ATG7: variants seen among roughly 807,000 people sequenced by gnomAD.
ATG7 encodes autophagy related 7.
A neutral mutation model predicts 82.4 loss-of-function variants in ATG7; 70 were observed. The ratio of observed to expected loss-of-function variants is 0.85; its 90% CI spans 0.70 to 1.04. ATG7 has a LOEUF of 1.04. Among genes scored for constraint, ATG7 ranks in the 50% least tolerant of loss-of-function variants. The probability of loss-of-function intolerance (pLI) is 0.00; values close to 1 mark genes in which losing one functional copy is unlikely to be tolerated. For missense variants in ATG7, 792 were observed against 864.3 expected, an observed-to-expected ratio of 0.92 and a Z score of 1.05; for synonymous variants, 287 against 313.0, an observed-to-expected ratio of 0.92 and a Z score of 0.88.
chr3:11,570,736 T>C, the ATG7 span, among the ~76,000 whole-genome samples: 14 of 152,278 alleles, frequency 9.2e-5, no homozygotes, highest in Non-Finnish European at 1.6e-4. Flanking sequence ...GCATAAACAG[T>C]GGTGAGATGT....
At chr3:11,380,095 CG>C in intron 19 of ATG7, 43 bp downstream of exon 19, 1 of 1,583,820 alleles carries the variant, frequency 6.3e-7, no homozygotes, top group Non-Finnish European at 8.7e-7. Flanking sequence ...TAAAAGTGAG[CG>C]GGTCAGCATT....
intron 14 of ATG7, among the ~76,000 whole-genome samples, chr3:11,349,389 C>G (rs1481140584): frequency 6.6e-6 from 1 of 152,032 alleles, no homozygotes; most frequent in East Asian, 1.9e-4. Context: ...ATAAAATTAG[C>G]CAGGTGTGGT....
At position 11,553,266 on chromosome 3, in the gene ATG7, T is replaced by TTCACCTCACAGGTAGATGTGAGG. The variant is rs60878265; in HGVS notation, c.2080-1521_2080-1499dup. ...TTACCTCTCTGGGCTTGTTTCCATCTTCACCTCACAGGTAGATGTGAGGTC... is the reference window on the plus strand; with the variant it reads ...TTACCTCTCTGGGCTTGTTTCCATCTTCACCTCACAGGTAGATGTGAGGTCACCTCACAGGTAGATGTGAGGTC... On this transcript the variant is annotated intron_variant, in intron 20 of 20. Coordinates refer to ENST00000693202, the MANE Select transcript of ATG7 (RefSeq NM_001349232.2). 1.3e-4 allele frequency among the ~76,000 whole-genome samples: 19 copies of TTCACCTCACAGGTAGATGTGAGG among 151,202 alleles called. 1 individual carries two copies. Among genetic ancestry groups the TTCACCTCACAGGTAGATGTGAGG allele is most frequent in the Non-Finnish European group, 2.1e-4 (14 of 67,784 alleles).
At chr3:11,311,495 G>C (rs866007231) in intron 7 of ATG7, among the ~76,000 whole-genome samples, 1 of 151,830 alleles carries the variant, frequency 6.6e-6, no homozygotes, top group African/African-American at 2.4e-5. Flanking sequence ...CCAACTACTC[G>C]GGAGGCTGAG....
chr3:11,557,084 G>T lies in ATG7; in HGVS notation c.*2241G>T, dbSNP rs924827471. On this transcript the variant is annotated 3_prime_UTR_variant, in exon 21 of 21. Transcript: ENST00000693202. ...CCACGTCACCTGGTCAGGTGCCATCGTCGTGAGCCTCTGGTGGGCCAGGTG... is the reference window on the plus strand; with the variant it reads ...CCACGTCACCTGGTCAGGTGCCATCTTCGTGAGCCTCTGGTGGGCCAGGTG... 2.0e-5 allele frequency: 3 copies of T among 152,600 alleles called. No individual in the cohort carries two copies. The highest frequency in any genetic ancestry group is 1.3e-4 in the Admixed American group (2 of 15,298). The allele number at this position is 152,600 out of a possible 1,614,324, so 9.5% of individuals were successfully genotyped here. A position where few individuals can be genotyped will look rare whatever the true frequency, so the allele number is the denominator to read the frequency against.
chr3:11,399,522 A>T (rs2079614153), intron 19 of ATG7, among the ~76,000 whole-genome samples: 1 of 152,042 alleles, frequency 6.6e-6, no homozygotes, highest in African/African-American at 2.4e-5. Flanking sequence ...AAGGAGTTGT[A>T]ATGTAGAAGT....
At chr3:11,574,827 G>GTA in the ATG7 span, among the ~76,000 whole-genome samples, 2 of 141,036 alleles carry the variant, frequency 1.4e-5, no homozygotes, top group Non-Finnish European at 3.0e-5. Context: ...GTGTGTGTGT[G>GTA]TGTGTGTGTG....
At chr3:11,506,317 C>T (rs1299865120) in intron 20 of ATG7, among the ~76,000 whole-genome samples, 3 of 152,214 alleles carry the variant, frequency 2.0e-5, no homozygotes, top group Non-Finnish European at 2.9e-5. Context: ...AAATGTAATT[C>T]GAGCAAAATA....
the ATG7 span, chr3:11,568,558 C>T: frequency 6.4e-7 from 1 of 1,552,728 alleles, no homozygotes; most frequent in Non-Finnish European, 8.7e-7. The surrounding 1 kb of genome is among the most constrained non-coding windows in gnomAD (Gnocchi z 5.9). Context: ...CGAGAAAAGG[C>T]CTGGAGAACT....
At chr3:11,570,404 C>A in the ATG7 span, among the ~76,000 whole-genome samples, 1 of 152,230 alleles carries the variant, frequency 6.6e-6, no homozygotes, top group Admixed American at 6.5e-5. Flanking sequence ...AGTCCTGCCA[C>A]GCTGGCTTTC....
intron 20 of ATG7, among the ~76,000 whole-genome samples, chr3:11,551,138 G>A (rs944793775): frequency 5.3e-5 from 8 of 152,142 alleles, no homozygotes; most frequent in African/African-American, 1.9e-4. Flanking sequence ...TCTTGGACAT[G>A]GTCTTCTCGT....
chr3:11,354,872 T>C (rs2075825748), intron 14 of ATG7, among the ~76,000 whole-genome samples: 1 of 152,172 alleles, frequency 6.6e-6, no homozygotes, highest in Non-Finnish European at 1.5e-5. Flanking sequence ...AGTGAAAGAC[T>C]GTGGTCCCAG....
intron 19 of ATG7, among the ~76,000 whole-genome samples, chr3:11,424,785 C>T (rs941264464): frequency 2.0e-5 from 3 of 152,120 alleles, no homozygotes; most frequent in Non-Finnish European, 4.4e-5. Context: ...ATAGATGATA[C>T]ATGCATAAAC....
chr3:11,462,413 G>A (rs1178656087), intron 20 of ATG7, among the ~76,000 whole-genome samples: 3 of 152,098 alleles, frequency 2.0e-5, no homozygotes, highest in African/African-American at 7.2e-5. Context: ...AAGACACCAG[G>A]GCAGTCAGGA....
intron 19 of ATG7, among the ~76,000 whole-genome samples, chr3:11,380,985 C>T (rs2077855783): frequency 6.6e-6 from 1 of 152,168 alleles, no homozygotes; most frequent in African/African-American, 2.4e-5. Flanking sequence ...CAATCCTGAC[C>T]AGTTTCTCTA....
intron 20 of ATG7, chr3:11,446,823 A>G (rs2152977665): frequency 5.5e-6 from 1 of 182,708 alleles, no homozygotes; most frequent in African/African-American, 2.4e-5. Flanking sequence ...GGTCTCCTGG[A>G]CTGGGCCATG....
the ATG7 span, among the ~76,000 whole-genome samples, chr3:11,574,495 G>A: frequency 1.3e-5 from 2 of 152,288 alleles, no homozygotes; most frequent in South Asian, 4.1e-4. Context: ...GGGAAGGGTA[G>A]GGAGAAGGTA....
At position 11,442,739 on chromosome 3, in the gene ATG7, C is replaced by CAAAA. The variant is rs57073881; in HGVS notation, c.2079+15842_2079+15845dup. 3.7e-3 allele frequency among the ~76,000 whole-genome samples: 258 copies of CAAAA among 69,218 alleles called. 15 individuals carry two copies. The highest frequency in any genetic ancestry group is 7.2e-3 in the African/African-American group (126 of 17,590). The allele number at this position is 69,218 out of a possible 152,430, so 45.4% of individuals were successfully genotyped here. ...GCAGCATAGTGAGACTCCATCTCTA[C>CAAAA]AAAAAAAAAAAAAAAAAAAAAAAAA... On this transcript the variant is annotated intron_variant, in intron 20 of 20. Transcript: ENST00000693202.
At chr3:11,517,703 C>T (rs907364790) in intron 20 of ATG7, among the ~76,000 whole-genome samples, 1 of 152,230 alleles carries the variant, frequency 6.6e-6, no homozygotes, top group African/African-American at 2.4e-5. Context: ...AAGAACATTC[C>T]AAGCCACAGA....
Sources: allele counts gnomAD v4.1 joint callset (sites outside exome capture counted in the v4.1 genomes callset), GRCh38; gene constraint gnomAD v4.1.1; non-coding constraint Gnocchi (gnomAD v3.1); transcripts MANE v1.5; gene names NCBI Gene and HGNC (gene_info 2026-07-23, HGNC 2026-07-21).